The following AP2B1 variants were observed in gnomAD, a reference collection of about 807,000 sequenced individuals.
AP2B1 encodes AP-2 complex subunit beta.
A neutral mutation model predicts 102.0 loss-of-function variants in AP2B1; 23 were observed. That is an observed-to-expected ratio of 0.23 (90% CI 0.16 to 0.32). The LOEUF (loss-of-function observed/expected upper bound fraction) is 0.32. AP2B1 is among the 10% of genes least tolerant of loss of function. The pLI is 1.00. For synonymous variants in AP2B1, 381 were observed against 421.2 expected, an observed-to-expected ratio of 0.90 and a Z score of 1.17; for missense variants, 541 against 1,157.4, an observed-to-expected ratio of 0.47 and a Z score of 7.73.
chr17:35,591,094 A>G (rs2073081042), intron 1 of AP2B1, among the ~76,000 whole-genome samples: 1 of 151,228 alleles, frequency 6.6e-6, no homozygotes, highest in Non-Finnish European at 1.5e-5. Flanking sequence ...GAATCACTTG[A>G]ACCTGGGAGG....
At chr17:35,650,158 C>T (rs938811478) in intron 12 of AP2B1, among the ~76,000 whole-genome samples, 2 of 152,154 alleles carry the variant, frequency 1.3e-5, no homozygotes, top group Non-Finnish European at 2.9e-5. Flanking sequence ...CTATGTTGGC[C>T]AGGCTGGTCT....
intron 7 of AP2B1, 21 bp from the exon 8 acceptor site, chr17:35,627,364 T>C (rs777975575): frequency 1.9e-6 from 3 of 1,611,044 alleles, no homozygotes; most frequent in Non-Finnish European, 2.5e-6. Context: ...CCTTCCTTTC[T>C]TCTGTTTCTG....
chr17:35,641,552 G>C (rs2074781736), intron 11 of AP2B1, among the ~76,000 whole-genome samples: 1 of 152,102 alleles, frequency 6.6e-6, no homozygotes, highest in South Asian at 2.1e-4. Flanking sequence ...GGGCAATAGA[G>C]GGAGACCTTG....
chr17:35,670,503 G>A (rs1208899297), intron 14 of AP2B1, among the ~76,000 whole-genome samples: 1 of 151,878 alleles, frequency 6.6e-6, no homozygotes, highest in Non-Finnish European at 1.5e-5. Flanking sequence ...AAGCATATTC[G>A]AAATATTGCC....
At chr17:35,671,664 A>G (rs2301730) in intron 15 of AP2B1, 90 bp from the exon 16 acceptor site, 646,015 of 1,311,502 alleles carry the variant, frequency 0.49, 160,169 homozygotes, top group Admixed American at 0.51. Context: ...TTATTGATTT[A>G]TCAAAACTAC....
chr17:35,610,393 T>C (rs1015924740), intron 5 of AP2B1, among the ~76,000 whole-genome samples: 3 of 151,806 alleles, frequency 2.0e-5, no homozygotes, highest in African/African-American at 7.3e-5. Flanking sequence ...GTGATGCACC[T>C]GCCTTGACCT....
At chr17:35,611,945 C>G (rs1049749032) in intron 5 of AP2B1, among the ~76,000 whole-genome samples, 1 of 152,126 alleles carries the variant, frequency 6.6e-6, no homozygotes, top group African/African-American at 2.4e-5. Context: ...TACAACAAAT[C>G]AAAACGTGAC....
intron 2 of AP2B1, among the ~76,000 whole-genome samples, chr17:35,594,644 G>A (rs1469942752): frequency 5.3e-5 from 8 of 152,152 alleles, no homozygotes; most frequent in East Asian, 3.9e-4. Flanking sequence ...TTTCATATCC[G>A]TCCATATACA....
intron 17 of AP2B1, among the ~76,000 whole-genome samples, chr17:35,677,197 T>A (rs909880871): frequency 7.2e-5 from 11 of 152,166 alleles, no homozygotes; most frequent in African/African-American, 2.7e-4. Flanking sequence ...ACTCTGTTGC[T>A]CCAGTTGGTC....
chr17:35,710,955 A>G (rs1703671532), intron 20 of AP2B1, among the ~76,000 whole-genome samples: 1 of 152,164 alleles, frequency 6.6e-6, no homozygotes, highest in Non-Finnish European at 1.5e-5. Context: ...GCCCTGTGCC[A>G]CCTTTCATAT....
At chr17:35,670,980 C>A in intron 15 of AP2B1, 82 bp downstream of exon 15, 1 of 1,426,586 alleles carries the variant, frequency 7.0e-7, no homozygotes, top group Non-Finnish European at 9.9e-7. Flanking sequence ...ATCAGACCAG[C>A]CACTGCTGCT....
Position 35,639,667 on chromosome 17 carries a change from G to T in AP2B1, c.1344G>T (p.Met448Ile). 1 of 1,614,132 alleles carries T rather than the reference G, an allele frequency of 6.2e-7. No individual in the cohort carries two copies. The highest frequency in any genetic ancestry group is 8.5e-7 in the Non-Finnish European group (1 of 1,179,976). Residue 448 changes from methionine to isoleucine, a missense_variant, in exon 11 of 22, where the codon ATG (methionine) becomes ATT (isoleucine). By Grantham distance (10) the Met-to-Ile change is conservative (BLOSUM62 1). This residue lies in a region of AP2B1 where 106 missense variants were observed against 296.4 expected (regional missense o/e 0.36). Coordinates refer to ENST00000610402, the MANE Select transcript of AP2B1 (RefSeq NM_001030006.2). Reference sequence around the variant, plus strand: ...ATGAGCCAGATGCTCGAGCAGCTATGATTTGGATTGTGGGAGAATATGCTG... The same window carrying T: ...ATGAGCCAGATGCTCGAGCAGCTATTATTTGGATTGTGGGAGAATATGCTG... ...SLDEPDARAA[M>I]IWIVGEYAER...
chr17:35,612,615 C>T (rs2073895643), intron 5 of AP2B1, among the ~76,000 whole-genome samples: 1 of 152,174 alleles, frequency 6.6e-6, no homozygotes, highest in Non-Finnish European at 1.5e-5. Flanking sequence ...TCACATTTCT[C>T]CTTAAAGCAG....
intron 11 of AP2B1, among the ~76,000 whole-genome samples, chr17:35,640,168 C>T (rs534386971): frequency 1.3e-5 from 2 of 151,796 alleles, no homozygotes; most frequent in African/African-American, 2.4e-5. Context: ...CCACCCGCCT[C>T]GGCCTCCCAG....
intron 5 of AP2B1, among the ~76,000 whole-genome samples, chr17:35,617,656 G>C (rs1266426410): frequency 1.3e-5 from 2 of 152,178 alleles, no homozygotes; most frequent in East Asian, 1.9e-4. Context: ...AGCTGGATCT[G>C]TTGTGTGTTG....
chr17:35,660,673 G>A (rs932993960), intron 14 of AP2B1, among the ~76,000 whole-genome samples: 9 of 151,748 alleles, frequency 5.9e-5, no homozygotes, highest in African/African-American at 2.2e-4. Context: ...TAGTAGAGAC[G>A]GAGCTTTACC....
chr17:35,594,898 A>G (rs1316154638), intron 2 of AP2B1, among the ~76,000 whole-genome samples: 1 of 152,252 alleles, frequency 6.6e-6, no homozygotes, highest in Non-Finnish European at 1.5e-5. Flanking sequence ...GATCATTTCT[A>G]GAAATGTGGA....
At chr17:35,622,225 A>C (rs1416317696) in intron 5 of AP2B1, among the ~76,000 whole-genome samples, 1 of 152,228 alleles carries the variant, frequency 6.6e-6, no homozygotes, top group Non-Finnish European at 1.5e-5. Context: ...CAAGTATAAA[A>C]TAGTATATCT....
At chr17:35,675,449 A>G (rs559934054) in intron 17 of AP2B1, among the ~76,000 whole-genome samples, 56 of 152,346 alleles carry the variant, frequency 3.7e-4, no homozygotes, top group African/African-American at 1.3e-3. Context: ...CTATCTAGAA[A>G]GTCTGTGTTT....
Sources: gnomAD v4.1 joint callset for allele counts (sites outside exome capture counted in the v4.1 genomes callset) on GRCh38, gnomAD v4.1.1 for gene constraint, gnomAD v4.1.1 regional missense constraint, MANE v1.5 for transcripts, NCBI Gene and HGNC (gene_info 2026-07-23, HGNC 2026-07-21) for gene names.